Variants in PKIB observed in about 807,000 individuals in gnomAD.
PKIB encodes the protein cAMP-dependent protein kinase inhibitor beta.
A neutral mutation model predicts 4.5 loss-of-function variants in PKIB; 2 were observed. That is an observed-to-expected ratio of 0.44 (90% CI 0.18 to 1.39). PKIB has a LOEUF of 1.39. Ranked by LOEUF, PKIB falls within the 40% of genes most tolerant of loss-of-function variation. The pLI, the probability that PKIB is intolerant of heterozygous loss-of-function variation, is 0.27. For missense variants in PKIB, 94 were observed against 92.6 expected (o/e 1.02, Z -0.06); for synonymous variants, 38 against 36.0 (o/e 1.06, Z -0.20).
At chr6:122,477,190 C>T (rs1322657297) in intron 1 of PKIB, among the ~76,000 whole-genome samples, 1 of 152,138 alleles carries the variant, frequency 6.6e-6, no homozygotes, top group Non-Finnish European at 1.5e-5. Context: ...AAGAGCACAT[C>T]TCCATTTGGA....
Position 122,633,274 on chromosome 6 carries a change from T to C in PKIB, c.-160-9T>C, listed in dbSNP as rs1775774004. 1 of 152,220 alleles carries C rather than the reference T, an allele frequency of 6.6e-6. No homozygotes were observed. Among genetic ancestry groups the C allele is most frequent in the Non-Finnish European group, 1.5e-5 (1 of 68,026 alleles). 9.4% of individuals were successfully genotyped at this position (152,220 alleles called of 1,614,324 possible). On this transcript the variant is annotated splice_polypyrimidine_tract_variant and intron_variant, in intron 1 of 4. Transcript: ENST00000368452. The stretch of plus-strand genomic sequence containing the variant: ...TTAATAAATCTGTTCCTGCCTTTGT[T>C]TCCTTCAGGAGTCATGCTATACTGA...
At chr6:122,604,638 G>C (rs974647544) in intron 3 of PKIB, among the ~76,000 whole-genome samples, 1 of 152,126 alleles carries the variant, frequency 6.6e-6, no homozygotes, top group African/African-American at 2.4e-5. Context: ...TTAATAAGGA[G>C]GCCAATTCAG....
At chr6:122,625,974 T>C (rs1775425374) in intron 1 of PKIB, among the ~76,000 whole-genome samples, 1 of 152,004 alleles carries the variant, frequency 6.6e-6, no homozygotes, top group Admixed American at 6.6e-5. Flanking sequence ...GAGGCTGAGA[T>C]GGGAGGATCA....
At chr6:122,570,670 G>T (rs1773335744) in intron 2 of PKIB, among the ~76,000 whole-genome samples, 1 of 151,706 alleles carries the variant, frequency 6.6e-6, no homozygotes, top group South Asian at 2.1e-4. Context: ...AAAGCACCAA[G>T]AATTAAATTA....
intron 2 of PKIB, among the ~76,000 whole-genome samples, chr6:122,668,009 C>T (rs1251789539): frequency 6.6e-6 from 1 of 152,184 alleles, no homozygotes; most frequent in Non-Finnish European, 1.5e-5. Context: ...TATACACACT[C>T]TTCTCTTACT....
intron 2 of PKIB, among the ~76,000 whole-genome samples, chr6:122,576,815 T>C (rs1309164927): frequency 6.6e-6 from 1 of 150,884 alleles, no homozygotes; most frequent in Non-Finnish European, 1.5e-5. Context: ...CATATGTGTA[T>C]TATCGCATGT....
chr6:122,474,127 C>G (rs1000497131), intron 1 of PKIB, among the ~76,000 whole-genome samples: 10 of 152,212 alleles, frequency 6.6e-5, no homozygotes, highest in South Asian at 2.1e-4. Flanking sequence ...GAGCAAAACT[C>G]TGTCTCAAAA....
intron 2 of PKIB, among the ~76,000 whole-genome samples, chr6:122,545,520 G>T (rs1180921595): frequency 6.6e-6 from 1 of 151,552 alleles, no homozygotes. Flanking sequence ...GGGGCTTGGT[G>T]TACAGATTAT....
At chr6:122,626,095 T>TAGAC (rs1013619798) in intron 1 of PKIB, among the ~76,000 whole-genome samples, 11 of 151,714 alleles carry the variant, frequency 7.3e-5, no homozygotes, top group African/African-American at 2.7e-4. Flanking sequence ...GATAGATAGA[T>TAGAC]AGAGATAGAT....
At chr6:122,529,502 A>C (rs1777189972) in intron 2 of PKIB, among the ~76,000 whole-genome samples, 2 of 152,140 alleles carry the variant, frequency 1.3e-5, no homozygotes, top group African/African-American at 4.8e-5. Flanking sequence ...CTATAAATTT[A>C]CCTTTACGAG....
chr6:122,527,419 G>A (rs954740281), intron 2 of PKIB, among the ~76,000 whole-genome samples: 4 of 151,896 alleles, frequency 2.6e-5, no homozygotes, highest in African/African-American at 9.7e-5. Context: ...ATCATTTGTA[G>A]GTTTTGATTT....
rs1779920520 is a variant in PKIB at position 122,725,498 on chromosome 6, A to G, written c.*303A>G. ...AACAAAATTCACTGTTCTCTTTTGG[A>G]TTTATTTAGCCTGATGTATTTTTAA... On this transcript the variant is annotated 3_prime_UTR_variant, in exon 5 of 5. Coordinates refer to ENST00000368452, the MANE Select transcript of PKIB (RefSeq NM_181795.3). 4.0e-6 allele frequency: 1 copy of G among 249,718 alleles called. No individual in the cohort carries two copies. Among genetic ancestry groups the G allele is most frequent in the Non-Finnish European group, 7.6e-6 (1 of 131,008 alleles). 15.5% of individuals were successfully genotyped at this position (249,718 alleles called of 1,614,324 possible).
intron 2 of PKIB, among the ~76,000 whole-genome samples, chr6:122,558,676 A>G (rs1772920459): frequency 6.6e-6 from 1 of 151,108 alleles, no homozygotes; most frequent in Admixed American, 6.6e-5. Flanking sequence ...ATATAATAAA[A>G]CTCCTTCATA....
At chr6:122,641,508 C>T (rs1776119105) in intron 2 of PKIB, among the ~76,000 whole-genome samples, 1 of 152,078 alleles carries the variant, frequency 6.6e-6, no homozygotes, top group South Asian at 2.1e-4. Flanking sequence ...CTAGAATTTT[C>T]CCAGGCAAAC....
intron 2 of PKIB, among the ~76,000 whole-genome samples, chr6:122,530,303 A>G (rs961413469): frequency 6.6e-6 from 1 of 152,134 alleles, no homozygotes; most frequent in Non-Finnish European, 1.5e-5. Flanking sequence ...TGACTTGTCC[A>G]TATTCTAATT....
intron 1 of PKIB, among the ~76,000 whole-genome samples, chr6:122,475,505 G>T (rs1775430000): frequency 6.6e-6 from 1 of 152,056 alleles, no homozygotes; most frequent in Non-Finnish European, 1.5e-5. Flanking sequence ...GTAAAAATAG[G>T]CCGGGTGTGG....
chr6:122,630,066 T>C (rs1478792710), intron 1 of PKIB, among the ~76,000 whole-genome samples: 1 of 152,124 alleles, frequency 6.6e-6, no homozygotes, highest in Non-Finnish European at 1.5e-5. Flanking sequence ...TGGAACAGTA[T>C]AAGAACTTTC....
At chr6:122,543,166 C>T (rs943574956) in intron 2 of PKIB, among the ~76,000 whole-genome samples, 12 of 152,158 alleles carry the variant, frequency 7.9e-5, no homozygotes, top group African/African-American at 2.2e-4. Context: ...TTGCGCGTCC[C>T]GAGTGAGGCA....
At chr6:122,721,434 A>G (rs1779738872) in intron 4 of PKIB, among the ~76,000 whole-genome samples, 1 of 152,244 alleles carries the variant, frequency 6.6e-6, no homozygotes, top group African/African-American at 2.4e-5. Flanking sequence ...TTTTTAGACA[A>G]GGACTTCTCA....
Sources: allele counts gnomAD v4.1 joint callset (sites outside exome capture counted in the v4.1 genomes callset), GRCh38; gene constraint gnomAD v4.1.1; transcripts MANE v1.5; gene names NCBI Gene and HGNC (gene_info 2026-07-23, HGNC 2026-07-21).